The following PLA2G4C variants were observed in gnomAD, a reference collection of about 807,000 sequenced individuals.
PLA2G4C encodes phospholipase A2 group IVC.
A neutral mutation model predicts 73.8 loss-of-function variants in PLA2G4C; 64 were observed. The ratio of observed to expected loss-of-function variants is 0.87; its 90% CI spans 0.71 to 1.07. PLA2G4C has a LOEUF of 1.07. Among genes scored for constraint, PLA2G4C ranks in the 50% least tolerant of loss-of-function variants. PLA2G4C has a pLI of 0.00. For missense variants in PLA2G4C, 622 were observed against 665.4 expected (o/e 0.93, Z 0.72); for synonymous variants, 254 against 252.1 (o/e 1.01, Z -0.07).
chr19:48,059,179 G>A (rs748064471), intron 14 of PLA2G4C, among the ~76,000 whole-genome samples: 4 of 151,484 alleles, frequency 2.6e-5, no homozygotes, highest in African/African-American at 7.3e-5. Context: ...GCTGAGGCAG[G>A]AGAATTGCTT....
chr19:48,053,294 GTTTTA>G, intron 15 of PLA2G4C, 147 bp from the exon 16 acceptor site: 1 of 399,784 alleles, frequency 2.5e-6, no homozygotes, highest in Non-Finnish European at 4.4e-6. Flanking sequence ...TATAAATAAA[GTTTTA>G]TTGACACATG....
At chr19:48,083,344 G>T (rs928897769) in intron 10 of PLA2G4C, among the ~76,000 whole-genome samples, 1 of 149,672 alleles carries the variant, frequency 6.7e-6, no homozygotes, top group African/African-American at 2.5e-5. Flanking sequence ...TTTTACAAAG[G>T]AGAAATTGGG....
chr19:48,083,033 C>T (rs990333367), intron 10 of PLA2G4C, among the ~76,000 whole-genome samples: 1 of 151,114 alleles, frequency 6.6e-6, no homozygotes, highest in African/African-American at 2.4e-5. Flanking sequence ...CCAGGATGGT[C>T]TCGATCTCCT....
In PLA2G4C at chr19:48,105,937, C is replaced by CTTTCTTT. The variant is rs1568457595; in HGVS notation, c.9-494_9-493insAAAGAAA. ...TCCCTCCCTCCCTCCCTCCCTCCCT[C>CTTTCTTT]CCTCCCTCCCTTCTTTCTTTCTTTC... is the stretch of plus-strand genomic sequence containing the variant. On this transcript the variant is annotated intron_variant, in intron 2 of 16. Coordinates refer to ENST00000599921, the MANE Select transcript of PLA2G4C (RefSeq NM_003706.3). 1.0e-3 allele frequency among the ~76,000 whole-genome samples: 12 copies of CTTTCTTT among 11,968 alleles called. 1 individual carries two copies. The highest frequency in any genetic ancestry group is 5.3e-3 in the African/African-American group (5 of 936). The allele number at this position is 11,968 out of a possible 152,430, so 7.9% of individuals were successfully genotyped here. A position where few individuals can be genotyped will look rare whatever the true frequency, so the allele number is the denominator to read the frequency against.
chr19:48,048,675 CATG>C (rs1157637697), intron 16 of PLA2G4C, among the ~76,000 whole-genome samples: 1 of 152,198 alleles, frequency 6.6e-6, no homozygotes, highest in Non-Finnish European at 1.5e-5. Flanking sequence ...CATCGAATGT[CATG>C]ATACCTGCCA....
At chr19:48,088,776 A>G (rs999117018) in intron 8 of PLA2G4C, 64 bp from the exon 9 acceptor site, 1 of 1,158,602 alleles carries the variant, frequency 8.6e-7, no homozygotes, top group South Asian at 1.2e-5. Flanking sequence ...TTATAATATA[A>G]AAAATACAGA....
chr19:48,101,919 C>T (rs905969578), intron 4 of PLA2G4C, among the ~76,000 whole-genome samples: 93 of 151,766 alleles, frequency 6.1e-4, no homozygotes, highest in African/African-American at 2.2e-3. Flanking sequence ...AGGTGATCCA[C>T]CTGCCTCGGC....
chr19:48,077,700 C>G (rs2030258263), intron 11 of PLA2G4C, 71 bp downstream of exon 11: 2 of 1,152,136 alleles, frequency 1.7e-6, no homozygotes, highest in Non-Finnish European at 2.5e-6. Context: ...GTTTTTAGGA[C>G]AATGGCTGGC....
chr19:48,064,488 A>AT (rs1968335607), intron 13 of PLA2G4C, among the ~76,000 whole-genome samples: 1 of 151,588 alleles, frequency 6.6e-6, no homozygotes, highest in Non-Finnish European at 1.5e-5. Context: ...TTATATTATT[A>AT]TTTTTAAAGC....
intron 2 of PLA2G4C, among the ~76,000 whole-genome samples, chr19:48,105,943 C>A (rs1277227332): frequency 1.9e-4 from 2 of 10,430 alleles, no homozygotes; most frequent in African/African-American, 1.8e-3. Context: ...CCCTCCCTCC[C>A]TCCCTTCTTT....
chr19:48,055,389 G>GTATATATATATATATATATA lies in PLA2G4C; in HGVS notation c.1258-360_1258-341dup, dbSNP rs4002927. ...AGATGTTGGAGACCTCATCTCTACA[G>GTATATATATATATATATATA]TATATATATATATATATATATTTCA... On this transcript the variant is annotated intron_variant, in intron 14 of 16. Coordinates refer to ENST00000599921, the MANE Select transcript of PLA2G4C (RefSeq NM_003706.3). Among the ~76,000 whole-genome samples, 503 of 132,516 alleles carry GTATATATATATATATATATA rather than the reference G, an allele frequency of 3.8e-3. 8 individuals are homozygous for GTATATATATATATATATATA. Among genetic ancestry groups the GTATATATATATATATATATA allele is most frequent in the African/African-American group, 0.012 (387 of 31,034 alleles). The allele number at this position is 132,516 out of a possible 152,430, so 86.9% of individuals were successfully genotyped here. A position where few individuals can be genotyped will look rare whatever the true frequency, so the allele number is the denominator to read the frequency against.
At chr19:48,099,977 A>G in intron 4 of PLA2G4C, 117 bp from the exon 5 acceptor site, 1 of 629,256 alleles carries the variant, frequency 1.6e-6, no homozygotes, top group Non-Finnish European at 2.7e-6. Context: ...AGAGGGCGAC[A>G]CACAGAGGAA....
chr19:48,105,182 C>CTGTCCCAT, intron 3 of PLA2G4C, 151 bp downstream of exon 3: 1 of 568,346 alleles, frequency 1.8e-6, no homozygotes, highest in Non-Finnish European at 3.1e-6. Flanking sequence ...GGGGCAATGC[C>CTGTCCCAT]TGTCCCATAG....
chr19:48,068,729 T>G (rs1328715993), intron 12 of PLA2G4C, among the ~76,000 whole-genome samples: 8 of 129,400 alleles, frequency 6.2e-5, no homozygotes, highest in Non-Finnish European at 1.1e-4. Flanking sequence ...AGACCTTGTA[T>G]CTAAAAAAAA....
In PLA2G4C at chr19:48,105,324, C is replaced by T. The variant is rs2032121735; in HGVS notation, c.120+9G>A. The stretch of plus-strand genomic sequence containing the variant: ...GGATCTCTGGGGCCACCCTCCTCCC[C>T]TCACTTACCTCATCAGCCTCAATCC... On this transcript the variant is annotated intron_variant, in intron 3 of 16. Coordinates refer to ENST00000599921, the MANE Select transcript of PLA2G4C (RefSeq NM_003706.3). The T allele has an allele frequency of 1.3e-6, 2 of 1,595,800 alleles. No individual in the cohort carries two copies. Among genetic ancestry groups the T allele is most frequent in the Non-Finnish European group, 1.7e-6 (2 of 1,166,110 alleles).
chr19:48,054,267 G>C, intron 15 of PLA2G4C, among the ~76,000 whole-genome samples: 1 of 152,038 alleles, frequency 6.6e-6, no homozygotes, highest in East Asian at 1.9e-4. Flanking sequence ...TGCTGTTCTC[G>C]TGACAGTGAG....
In PLA2G4C at chr19:48,065,460, A is replaced by G. The variant is rs191093187; in HGVS notation, c.1102+2331T>C. Among the ~76,000 whole-genome samples, 127 of 152,124 alleles carry G rather than the reference A, an allele frequency of 8.3e-4. 2 individuals carry two copies. The highest frequency in any genetic ancestry group is 7.4e-3 in the Admixed American group (113 of 15,252). ...GTGAAACCCTGTCTCTACTAAAAAT[A>G]CAAAAATCAGTTGAGCATGGTGACA... On this transcript the variant is annotated intron_variant, in intron 13 of 16. Transcript: ENST00000599921.
At chr19:48,054,806 G>C (rs1967869931) in intron 15 of PLA2G4C, 72 bp downstream of exon 15, 1 of 1,351,814 alleles carries the variant, frequency 7.4e-7, no homozygotes, top group Non-Finnish European at 1.1e-6. Context: ...CCAGTCTCAG[G>C]TATGTTTTTA....
Position 48,072,359 on chromosome 19 carries a change from G to A in PLA2G4C, c.1006+2408C>T, listed in dbSNP as rs1209929538. The A allele has an allele frequency of 6.6e-6, 1 of 152,058 alleles. No individual in the cohort carries two copies. Among genetic ancestry groups the A allele is most frequent in the African/African-American group, 2.4e-5 (1 of 41,390 alleles). The allele number at this position is 152,058 out of a possible 1,614,324, so 9.4% of individuals were successfully genotyped here. On this transcript the variant is annotated intron_variant, in intron 12 of 16. Coordinates refer to ENST00000599921, the MANE Select transcript of PLA2G4C (RefSeq NM_003706.3). This position sits in a 1 kb window ranked among gnomAD's most constrained non-coding sequence, Gnocchi z 4.4. ...ACCACCATGGCCGGCTAGGATGCATGTTCTCATTTCAGCACAGGAGCCAGG... is the reference window on the plus strand; with the variant it reads ...ACCACCATGGCCGGCTAGGATGCATATTCTCATTTCAGCACAGGAGCCAGG...
Sources: allele counts gnomAD v4.1 joint callset (sites outside exome capture counted in the v4.1 genomes callset), GRCh38; gene constraint gnomAD v4.1.1; non-coding constraint Gnocchi (gnomAD v3.1); transcripts MANE v1.5; gene names NCBI Gene and HGNC (gene_info 2026-07-23, HGNC 2026-07-21).